Variants in DSCAM observed in about 807,000 individuals in gnomAD.
DSCAM encodes DS cell adhesion molecule.
DSCAM carries 47 observed loss-of-function variants against 217.7 expected under a neutral mutation model. That is an observed-to-expected ratio of 0.22 (90% CI 0.17 to 0.28). The LOEUF (loss-of-function observed/expected upper bound fraction) is 0.28, where lower values mean the gene tolerates loss of function less well. DSCAM is among the 10% of genes least tolerant of loss of function. DSCAM has a pLI of 1.00. For missense variants in DSCAM, 2,080 were observed against 2,618.3 expected, an observed-to-expected ratio of 0.79 and a Z score of 4.49; for synonymous variants, 1,056 against 1,015.3, an observed-to-expected ratio of 1.04 and a Z score of -0.76.
chr21:40,447,672 G>A (rs1457919850), intron 3 of DSCAM, among the ~76,000 whole-genome samples: 1 of 152,114 alleles, frequency 6.6e-6, no homozygotes, highest in Non-Finnish European at 1.5e-5. Flanking sequence ...CTGTGGTTAT[G>A]GCAACTCTGA....
At chr21:40,379,253 G>T (rs938734011) in intron 3 of DSCAM, among the ~76,000 whole-genome samples, 1 of 152,184 alleles carries the variant, frequency 6.6e-6, no homozygotes, top group Non-Finnish European at 1.5e-5. Flanking sequence ...CTTAAAAGAA[G>T]ACTCTATTAA....
intron 1 of DSCAM, among the ~76,000 whole-genome samples, chr21:40,746,218 A>T (rs1312403910): frequency 1.3e-5 from 2 of 151,942 alleles, no homozygotes; most frequent in African/African-American, 4.8e-5. Context: ...TAATAACCTT[A>T]AATGCAAATG....
intron 3 of DSCAM, among the ~76,000 whole-genome samples, chr21:40,643,863 T>A (rs1438935190): frequency 6.6e-6 from 1 of 152,228 alleles, no homozygotes; most frequent in Non-Finnish European, 1.5e-5. Flanking sequence ...AGTCTTGGAC[T>A]TCCAGCCTCC....
chr21:40,799,570 C>T (rs1420114685), intron 1 of DSCAM, among the ~76,000 whole-genome samples: 1 of 152,190 alleles, frequency 6.6e-6, no homozygotes, highest in Non-Finnish European at 1.5e-5. Flanking sequence ...CTGGGCTGCA[C>T]TCCCTTTGAA....
chr21:40,315,186 G>A (rs2074182178), intron 8 of DSCAM, among the ~76,000 whole-genome samples: 1 of 152,084 alleles, frequency 6.6e-6, no homozygotes, highest in Non-Finnish European at 1.5e-5. Flanking sequence ...ATCACCAGAG[G>A]TCAGGAGTTC....
At chr21:40,493,733 C>T (rs549644640) in intron 3 of DSCAM, among the ~76,000 whole-genome samples, 101 of 151,348 alleles carry the variant, frequency 6.7e-4, no homozygotes, top group East Asian at 2.3e-3. Flanking sequence ...CATGGTGGCA[C>T]GTGCCTGTAA....
chr21:40,053,905 C>T (rs922524668), intron 29 of DSCAM, among the ~76,000 whole-genome samples: 6 of 152,134 alleles, frequency 3.9e-5, no homozygotes, highest in Non-Finnish European at 7.3e-5. Flanking sequence ...TCTAGTGAGA[C>T]GCATTTAGCA....
intron 1 of DSCAM, among the ~76,000 whole-genome samples, chr21:40,772,878 C>T (rs1251322864): frequency 2.0e-5 from 3 of 152,218 alleles, no homozygotes; most frequent in South Asian, 2.1e-4. Context: ...ATAATCGCCG[C>T]GGTGGTGGAC....
chr21:40,656,341 T>C lies in DSCAM; in HGVS notation c.508+36469A>G, dbSNP rs1378620273. On this transcript the variant is annotated intron_variant, in intron 3 of 32. Transcript: ENST00000400454. Reference sequence around the variant, plus strand: ...CTCACCAGCCCCTTCAAAATCCTAATGTGAAAATGTTCATCGCTTTTTGCA... The same window carrying C: ...CTCACCAGCCCCTTCAAAATCCTAACGTGAAAATGTTCATCGCTTTTTGCA... Among the ~76,000 whole-genome samples the C allele has an allele frequency of 2.6e-5, 4 of 152,180 alleles. No homozygotes were observed. In the East Asian group the frequency reaches 7.7e-4, roughly 29 times the overall value.
chr21:40,322,820 C>T (rs1191002980), intron 8 of DSCAM, among the ~76,000 whole-genome samples: 6 of 152,146 alleles, frequency 3.9e-5, no homozygotes, highest in South Asian at 2.1e-4. Flanking sequence ...CCACCACGCC[C>T]GGCCAGTGGG....
chr21:40,419,183 G>C (rs927101438), intron 3 of DSCAM, among the ~76,000 whole-genome samples: 3 of 146,944 alleles, frequency 2.0e-5, no homozygotes, highest in Admixed American at 6.9e-5. Flanking sequence ...GGGTTTCACT[G>C]TGTTAGCCAG....
chr21:40,584,036 A>G (rs2076925424), intron 3 of DSCAM, among the ~76,000 whole-genome samples: 1 of 152,178 alleles, frequency 6.6e-6, no homozygotes, highest in Admixed American at 6.5e-5. Flanking sequence ...GCTTGGAACT[A>G]TGCCCCCAAA....
chr21:40,151,687 C>T (rs907208577), intron 16 of DSCAM, among the ~76,000 whole-genome samples: 1 of 152,202 alleles, frequency 6.6e-6, no homozygotes, highest in African/African-American at 2.4e-5. Context: ...TCCTTGACTG[C>T]AGACACATGG....
intron 3 of DSCAM, among the ~76,000 whole-genome samples, chr21:40,539,995 A>G (rs1421634052): frequency 6.6e-6 from 1 of 152,168 alleles, no homozygotes; most frequent in Non-Finnish European, 1.5e-5. Context: ...CTATAATGTT[A>G]GTGTCGATAG....
chr21:40,194,602 G>C (rs2090987717), intron 11 of DSCAM, among the ~76,000 whole-genome samples: 1 of 152,178 alleles, frequency 6.6e-6, no homozygotes, highest in African/African-American at 2.4e-5. Flanking sequence ...GGAAGGTGCT[G>C]TTTTACATCA....
chr21:40,487,285 ATGTGTGCG>A (rs796418495), intron 3 of DSCAM, among the ~76,000 whole-genome samples: 1 of 126,706 alleles, frequency 7.9e-6, no homozygotes, highest in African/African-American at 3.1e-5. Flanking sequence ...GTGTGTGTGC[ATGTGTGCG>A]TGTGTGCGTG....
intron 30 of DSCAM, among the ~76,000 whole-genome samples, chr21:40,044,872 T>A (rs910431993): frequency 6.6e-6 from 1 of 152,192 alleles, no homozygotes; most frequent in Admixed American, 6.5e-5. Context: ...TCCTTAGGTG[T>A]TGTTATGCGT....
intron 11 of DSCAM, among the ~76,000 whole-genome samples, chr21:40,259,388 CCTT>C (rs948209789): frequency 1.3e-5 from 2 of 152,054 alleles, no homozygotes; most frequent in Admixed American, 6.6e-5. Context: ...TGGCTTCCCT[CCTT>C]CTCATTAAGA....
At chr21:40,592,151 T>C (rs11909446) in intron 3 of DSCAM, among the ~76,000 whole-genome samples, 7,477 of 152,186 alleles carry the variant, frequency 0.049, 547 homozygotes, top group African/African-American at 0.16. Context: ...AAGTACAATT[T>C]TGTTTTCTTT....
Sources: allele counts gnomAD v4.1 joint callset (sites outside exome capture counted in the v4.1 genomes callset), GRCh38; gene constraint gnomAD v4.1.1; transcripts MANE v1.5; gene names NCBI Gene and HGNC (gene_info 2026-07-23, HGNC 2026-07-21).